DIAPH3: variants seen among roughly 807,000 people sequenced by gnomAD.
DIAPH3 encodes protein diaphanous homolog 3.
DIAPH3 carries 117 observed loss-of-function variants against 144.3 expected under a neutral mutation model. The ratio of observed to expected loss-of-function variants is 0.81; its 90% CI spans 0.70 to 0.95. The LOEUF (loss-of-function observed/expected upper bound fraction) is 0.95, where lower values mean the gene tolerates loss of function less well. Among genes scored for constraint, DIAPH3 ranks in the 40% least tolerant of loss-of-function variants. The probability of loss-of-function intolerance (pLI) is 0.00; values close to 1 mark genes in which losing one functional copy is unlikely to be tolerated. For synonymous variants in DIAPH3, 519 were observed against 488.9 expected (o/e 1.06, Z -0.81); for missense variants, 1,421 against 1,412.7 (o/e 1.01, Z -0.09).
At chr13:59,825,174 C>A (rs1345051626) in intron 24 of DIAPH3, among the ~76,000 whole-genome samples, 1 of 152,064 alleles carries the variant, frequency 6.6e-6, no homozygotes, top group Non-Finnish European at 1.5e-5. Flanking sequence ...TCTCCTAATG[C>A]TATCCCTCCC....
chr13:59,916,387 CAT>C (rs2047225311), intron 18 of DIAPH3, 138 bp from the exon 19 acceptor site: 4 of 702,506 alleles, frequency 5.7e-6, no homozygotes, highest in East Asian at 2.9e-5. Context: ...TTGGGGGAAA[CAT>C]ATTATGGGGG....
rs1215691590 is a variant in DIAPH3 at position 60,034,435 on chromosome 13, G to GTTTGT, written c.626+8250_626+8254dup. 3.3e-5 allele frequency: 5 copies of GTTTGT among 152,142 alleles called. No individual in the cohort carries two copies. The East Asian group carries it at 9.6e-4, about 29-fold the overall frequency. 9.4% of individuals were successfully genotyped at this position (152,142 alleles called of 1,614,324 possible). On this transcript the variant is annotated intron_variant, in intron 5 of 27. Transcript: ENST00000400324. ...TAAACTGATAGTTTCAAATAATTAG[G>GTTTGT]TTTGTTTTGTTTTGTTTTGCTTTGC... is the stretch of plus-strand genomic sequence containing the variant.
chr13:59,710,905 C>G (rs2034697673), intron 27 of DIAPH3, among the ~76,000 whole-genome samples: 1 of 152,070 alleles, frequency 6.6e-6, no homozygotes, highest in Non-Finnish European at 1.5e-5. Flanking sequence ...TTATACAGAA[C>G]AAAACAATAC....
chr13:59,969,010 A>G (rs757651682), intron 17 of DIAPH3, among the ~76,000 whole-genome samples: 1 of 152,156 alleles, frequency 6.6e-6, no homozygotes. Flanking sequence ...ATAGTGAAAA[A>G]TTTCTTTTTG....
chr13:59,756,184 T>G (rs1299440707), intron 27 of DIAPH3, among the ~76,000 whole-genome samples: 1 of 152,164 alleles, frequency 6.6e-6, no homozygotes, highest in Non-Finnish European at 1.5e-5. Flanking sequence ...TGCTGAAATT[T>G]GAGAACCAAG....
intron 3 of DIAPH3, among the ~76,000 whole-genome samples, chr13:60,100,878 G>A (rs1214431319): frequency 1.3e-5 from 2 of 152,034 alleles, no homozygotes; most frequent in African/African-American, 4.8e-5. Flanking sequence ...GAGGAAAGGA[G>A]ACTAAGGAAA....
chr13:59,716,048 C>G (rs2138867005), intron 27 of DIAPH3, among the ~76,000 whole-genome samples: 1 of 152,294 alleles, frequency 6.6e-6, no homozygotes, highest in African/African-American at 2.4e-5. Flanking sequence ...ACTGCAGCTA[C>G]ATATTACAAG....
intron 17 of DIAPH3, among the ~76,000 whole-genome samples, chr13:59,961,554 G>A (rs541646672): frequency 3.7e-4 from 56 of 152,172 alleles, no homozygotes; most frequent in Non-Finnish European, 6.8e-4. Flanking sequence ...TATACATTGT[G>A]GAATGAGGGT....
chr13:59,723,596 C>G (rs368221066), intron 27 of DIAPH3, among the ~76,000 whole-genome samples: 1 of 151,550 alleles, frequency 6.6e-6, no homozygotes, highest in South Asian at 2.1e-4. Flanking sequence ...TGACACTGAT[C>G]GAAAATGATG....
At chr13:59,690,920 A>G (rs1304738726) in intron 27 of DIAPH3, among the ~76,000 whole-genome samples, 1 of 152,196 alleles carries the variant, frequency 6.6e-6, no homozygotes, top group Non-Finnish European at 1.5e-5. Context: ...AAGTGCTAAA[A>G]TAGAGCTATG....
At chr13:60,091,268 T>A (rs1237180782) in intron 4 of DIAPH3, among the ~76,000 whole-genome samples, 2 of 152,224 alleles carry the variant, frequency 1.3e-5, no homozygotes, top group African/African-American at 4.8e-5. Context: ...GTTTCTGTTA[T>A]GTACATCCAG....
intron 22 of DIAPH3, among the ~76,000 whole-genome samples, chr13:59,856,924 CA>C (rs1273097224): frequency 6.6e-6 from 1 of 150,666 alleles, no homozygotes; most frequent in African/African-American, 2.4e-5. Context: ...AGTGTCTTTT[CA>C]TAACATTCTA....
At chr13:59,734,632 C>G (rs943457128) in intron 27 of DIAPH3, among the ~76,000 whole-genome samples, 6 of 152,144 alleles carry the variant, frequency 3.9e-5, no homozygotes, top group Non-Finnish European at 7.3e-5. Flanking sequence ...CACCGACAAC[C>G]AGTGATTGAT....
Position 59,980,752 on chromosome 13 carries a change from T to TG in DIAPH3, c.1545+42dup, listed in dbSNP as rs757006393. The TG allele has an allele frequency of 4.6e-6, 7 of 1,534,870 alleles. No individual in the cohort carries two copies. In the East Asian group the frequency reaches 1.6e-4, roughly 35 times the overall value. ...CCCTGAGGCAGAAGCATGCCTGCAG[T>TG]GGTTCCCCACAGAATACTATAAAGT... On this transcript the variant is annotated intron_variant, in intron 14 of 27. Transcript: ENST00000400324.
At chr13:59,827,974 T>C (rs922956205) in intron 24 of DIAPH3, among the ~76,000 whole-genome samples, 4 of 152,008 alleles carry the variant, frequency 2.6e-5, no homozygotes, top group African/African-American at 9.7e-5. Flanking sequence ...TAATAACAAA[T>C]AGATTGGTTA....
intron 4 of DIAPH3, among the ~76,000 whole-genome samples, chr13:60,056,203 TATC>T (rs1385613962): frequency 2.0e-5 from 3 of 148,862 alleles, no homozygotes; most frequent in Admixed American, 2.0e-4. Context: ...ATACATATAT[TATC>T]TATTATCTAT....
intron 25 of DIAPH3, among the ~76,000 whole-genome samples, chr13:59,808,992 C>A (rs2040328465): frequency 6.6e-6 from 1 of 152,126 alleles, no homozygotes; most frequent in African/African-American, 2.4e-5. Context: ...TGAAAGCTTC[C>A]TTAGGGAGAC....
chr13:60,037,958 A>G (rs1306168120), intron 5 of DIAPH3, among the ~76,000 whole-genome samples: 1 of 152,092 alleles, frequency 6.6e-6, no homozygotes, highest in Non-Finnish European at 1.5e-5. Flanking sequence ...GAGGAAATAC[A>G]ACTCTCAGAA....
At chr13:59,990,668 T>C (rs1445842835) in intron 12 of DIAPH3, among the ~76,000 whole-genome samples, 1 of 151,942 alleles carries the variant, frequency 6.6e-6, no homozygotes, top group Non-Finnish European at 1.5e-5. Flanking sequence ...AGATAAATAA[T>C]TTGTTAACCT....
Sources: gnomAD v4.1 joint callset for allele counts (sites outside exome capture counted in the v4.1 genomes callset) on GRCh38, gnomAD v4.1.1 for gene constraint, MANE v1.5 for transcripts, NCBI Gene and HGNC (gene_info 2026-07-23, HGNC 2026-07-21) for gene names.